ACOXL: variants seen among roughly 807,000 people sequenced by gnomAD.
The protein encoded by ACOXL is acyl-CoA oxidase like, also known as acyl-coenzyme A oxidase-like protein.
In ACOXL, 70 loss-of-function variants were observed where a neutral mutation model predicts 71.9. The observed-to-expected ratio is 0.97, with a 90% CI of 0.80 to 1.19. The LOEUF (loss-of-function observed/expected upper bound fraction) is 1.19. ACOXL is among the 50% of genes most tolerant of loss of function. The pLI is 0.00. For synonymous variants in ACOXL, 253 were observed against 281.6 expected (o/e 0.90, Z 1.02); for missense variants, 703 against 736.3 (o/e 0.95, Z 0.52).
chr2:110,906,494 C>T (rs902962409), intron 10 of ACOXL, among the ~76,000 whole-genome samples: 15 of 141,174 alleles, frequency 1.1e-4, no homozygotes, highest in African/African-American at 3.4e-4. Flanking sequence ...GCCGAGATTG[C>T]GCCATTGCAC....
chr2:111,013,720 A>C (rs1163163111), intron 14 of ACOXL, among the ~76,000 whole-genome samples: 1 of 152,186 alleles, frequency 6.6e-6, no homozygotes, highest in African/African-American at 2.4e-5. Flanking sequence ...AGATGGTTTT[A>C]CTGTTGAATT....
chr2:110,819,926 C>CT (rs1403977536), intron 9 of ACOXL, among the ~76,000 whole-genome samples: 2 of 152,174 alleles, frequency 1.3e-5, no homozygotes, highest in Admixed American at 6.5e-5. Flanking sequence ...TACTTAACCT[C>CT]TCCAGGGCCC....
At chr2:110,793,314 T>C (rs1487420063) in intron 3 of ACOXL, among the ~76,000 whole-genome samples, 2 of 152,214 alleles carry the variant, frequency 1.3e-5, no homozygotes, top group Non-Finnish European at 2.9e-5. Context: ...CACACTTTGT[T>C]ACATGTCTTC....
chr2:110,915,062 CA>C (rs151231045), intron 11 of ACOXL, among the ~76,000 whole-genome samples: 6,904 of 152,132 alleles, frequency 0.045, 279 homozygotes, highest in African/African-American at 0.097. Flanking sequence ...TGACTATAGT[CA>C]CCCTGTTTTG....
intron 9 of ACOXL, among the ~76,000 whole-genome samples, chr2:110,806,692 T>G (rs1238814203): frequency 6.6e-5 from 10 of 152,242 alleles, no homozygotes. Flanking sequence ...CAGACCATCC[T>G]GACTCAGGGG....
chr2:110,756,506 G>A (rs1187222678), intron 1 of ACOXL, among the ~76,000 whole-genome samples: 1 of 152,084 alleles, frequency 6.6e-6, no homozygotes, highest in Admixed American at 6.6e-5. Context: ...TGCATTAGTG[G>A]CCCTCATCTA....
intron 12 of ACOXL, among the ~76,000 whole-genome samples, chr2:110,978,832 C>T (rs1386962695): frequency 6.6e-6 from 1 of 152,160 alleles, no homozygotes; most frequent in East Asian, 1.9e-4. Flanking sequence ...TTTTAACATT[C>T]TGCCCATTGC....
At chr2:111,057,261 C>G (rs1030315645) in intron 16 of ACOXL, among the ~76,000 whole-genome samples, 23 of 152,178 alleles carry the variant, frequency 1.5e-4, no homozygotes, top group African/African-American at 4.8e-4. Flanking sequence ...TAGAGTGTTT[C>G]AGGTGCACTG....
intron 1 of ACOXL, among the ~76,000 whole-genome samples, chr2:110,760,980 G>A (rs1680329427): frequency 6.6e-6 from 1 of 152,186 alleles, no homozygotes; most frequent in African/African-American, 2.4e-5. Context: ...CAAGAGTCAA[G>A]GAGAGGTGAA....
intron 10 of ACOXL, among the ~76,000 whole-genome samples, chr2:110,842,300 T>C (rs1035617676): frequency 6.6e-6 from 1 of 152,002 alleles, no homozygotes; most frequent in African/African-American, 2.4e-5. Flanking sequence ...AATGAGCCTG[T>C]GGGAAGAAAG....
At chr2:111,053,840 C>T (rs1480443167) in intron 16 of ACOXL, among the ~76,000 whole-genome samples, 1 of 152,236 alleles carries the variant, frequency 6.6e-6, no homozygotes, top group Non-Finnish European at 1.5e-5. Flanking sequence ...GCAGAGCCTC[C>T]CTGCCTCCCT....
At chr2:110,894,177 G>A (rs2058907361) in intron 10 of ACOXL, among the ~76,000 whole-genome samples, 1 of 151,868 alleles carries the variant, frequency 6.6e-6, no homozygotes, top group African/African-American at 2.4e-5. Flanking sequence ...CAACTAAAAA[G>A]CCTGGACATC....
chr2:110,860,801 C>G (rs1693855456), intron 10 of ACOXL, among the ~76,000 whole-genome samples: 2 of 152,134 alleles, frequency 1.3e-5, no homozygotes, highest in Admixed American at 6.5e-5. Context: ...GAAGAGCACT[C>G]AGGAAGTGGC....
chr2:110,959,392 G>C (rs549642743), intron 12 of ACOXL, among the ~76,000 whole-genome samples: 1 of 152,178 alleles, frequency 6.6e-6, no homozygotes, highest in Non-Finnish European at 1.5e-5. Context: ...GCAGGAAGCC[G>C]TCTGCCTTTG....
intron 9 of ACOXL, among the ~76,000 whole-genome samples, chr2:110,828,998 A>G (rs1689501572): frequency 6.6e-6 from 1 of 152,028 alleles, no homozygotes; most frequent in Non-Finnish European, 1.5e-5. Flanking sequence ...TTTAGTAGAG[A>G]TAGGGTTTCT....
In ACOXL at chr2:110,794,600, G is replaced by C. The variant is rs17041537; in HGVS notation, c.345+426G>C. Reference sequence around the variant, plus strand: ...CACTATGCTGGGGCCACCTTATCAGGAGCTGAGTCTTCTGTACTGGGATCA... The same window carrying C: ...CACTATGCTGGGGCCACCTTATCAGCAGCTGAGTCTTCTGTACTGGGATCA... On this transcript the variant is annotated intron_variant, in intron 5 of 17. Coordinates refer to ENST00000439055, the MANE Select transcript of ACOXL (RefSeq NM_001142807.4). Among the ~76,000 whole-genome samples, 681 of 152,284 alleles carry C rather than the reference G, an allele frequency of 4.5e-3. 6 individuals are homozygous for C. Among genetic ancestry groups the C allele is most frequent in the African/African-American group, 0.015 (638 of 41,558 alleles).
chr2:110,979,893 T>C (rs542467882), intron 12 of ACOXL, among the ~76,000 whole-genome samples: 2 of 152,324 alleles, frequency 1.3e-5, no homozygotes, highest in East Asian at 3.9e-4. Context: ...GCAGAAATTC[T>C]GAGTTTTCAA....
chr2:110,911,044 GTGGTAGGTCTGA>G (rs1039733377), intron 11 of ACOXL, among the ~76,000 whole-genome samples: 68 of 152,124 alleles, frequency 4.5e-4, no homozygotes, highest in African/African-American at 1.6e-3. Flanking sequence ...CTGAAATCAG[GTGGTAGGTCTGA>G]CCTTACAGAA....
intron 9 of ACOXL, among the ~76,000 whole-genome samples, chr2:110,826,210 T>G (rs796853875): frequency 4.2e-4 from 64 of 152,354 alleles, no homozygotes; most frequent in African/African-American, 1.5e-3. Context: ...AAATAACTTT[T>G]CAGAATCATC....
Sources: allele counts gnomAD v4.1 joint callset (sites outside exome capture counted in the v4.1 genomes callset), GRCh38; gene constraint gnomAD v4.1.1; transcripts MANE v1.5; gene names NCBI Gene and HGNC (gene_info 2026-07-23, HGNC 2026-07-21).